Variants in VDR observed in about 807,000 individuals in gnomAD.
VDR encodes vitamin D3 receptor.
In VDR, 19 loss-of-function variants were observed where a neutral mutation model predicts 39.7. That is an observed-to-expected ratio of 0.48 (90% CI 0.33 to 0.70). The LOEUF (loss-of-function observed/expected upper bound fraction) is 0.70, where lower values mean the gene tolerates loss of function less well. Ranked by LOEUF, VDR falls within the 30% of genes least tolerant of loss-of-function variation. The pLI, the probability that VDR is intolerant of heterozygous loss-of-function variation, is 0.02. For missense variants in VDR, 442 were observed against 570.5 expected (o/e 0.77, Z 2.29); for synonymous variants, 242 against 215.8 (o/e 1.12, Z -1.07).
At chr12:47,859,959 C>T (rs1945592302) in intron 4 of VDR, among the ~76,000 whole-genome samples, 1 of 139,322 alleles carries the variant, frequency 7.2e-6, no homozygotes, top group South Asian at 2.3e-4. Context: ...TTCTTTCTTT[C>T]TTTCTTTCTT....
intron 1 of VDR, chr12:47,904,503 A>T (rs1173787436): frequency 1.3e-5 from 15 of 1,192,380 alleles, no homozygotes; most frequent in Non-Finnish European, 1.6e-5. Flanking sequence ...TAAAAGACCC[A>T]ACTCCACCAT....
Position 47,844,618 on chromosome 12 carries a change from G to T in VDR, c.*128C>A. Reference sequence around the variant, plus strand: ...AGAGAGAATGGGCTGGGTGGATAGGGGAGGTGGCAGAGGAGGGGCTGAACC... The same window carrying T: ...AGAGAGAATGGGCTGGGTGGATAGGTGAGGTGGCAGAGGAGGGGCTGAACC... On this transcript the variant is annotated 3_prime_UTR_variant, in exon 10 of 10. Transcript: ENST00000549336. 7.8e-7 allele frequency: 1 copy of T among 1,288,496 alleles called. No homozygotes were observed. The highest frequency in any genetic ancestry group is 1.9e-5 in the Admixed American group (1 of 53,012). 79.8% of individuals were successfully genotyped at this position (1,288,496 alleles called of 1,614,324 possible).
intron 3 of VDR, chr12:47,878,679 T>G: frequency 2.0e-6 from 1 of 497,260 alleles, no homozygotes; most frequent in Non-Finnish European, 3.9e-6. Flanking sequence ...GATGGACACG[T>G]GGGTTGGTGT....
At chr12:47,853,446 T>TAAA (rs60854792) in intron 7 of VDR, among the ~76,000 whole-genome samples, 5 of 112,680 alleles carry the variant, frequency 4.4e-5, no homozygotes, top group East Asian at 2.7e-4. Flanking sequence ...CTGCCTCAAT[T>TAAA]AAAAAAAAAA....
At chr12:47,863,126 G>GC (rs1945658636) in intron 4 of VDR, among the ~76,000 whole-genome samples, 1 of 152,172 alleles carries the variant, frequency 6.6e-6, no homozygotes. Context: ...CCTGGGCAGG[G>GC]CCCCCTGATT....
At chr12:47,903,068 G>C (rs1946597654) in intron 1 of VDR, among the ~76,000 whole-genome samples, 1 of 152,200 alleles carries the variant, frequency 6.6e-6, no homozygotes, top group South Asian at 2.1e-4. Flanking sequence ...CTTCCATAAT[G>C]TTTATACAAA....
chr12:47,879,663 T>C (rs1215139852), intron 2 of VDR, among the ~76,000 whole-genome samples: 1 of 152,142 alleles, frequency 6.6e-6, no homozygotes, highest in Non-Finnish European at 1.5e-5. Context: ...GGTGCCCTGG[T>C]CATTCCAGCC....
rs776871829 is a variant in VDR at position 47,846,460 on chromosome 12, G to A, written c.908-9C>T. The A allele has an allele frequency of 1.9e-6, 3 of 1,562,584 alleles. No homozygotes were observed. Among genetic ancestry groups the A allele is most frequent in the Non-Finnish European group, 1.7e-6 (2 of 1,153,460 alleles). ...CTCCAGGCTGTGTCCGGCTGTGAGA[G>A]ACAATGGCCAGGTACTGCGGGCAGA... On this transcript the variant is annotated splice_polypyrimidine_tract_variant and intron_variant, in intron 8 of 9. Transcript: ENST00000549336.
Position 47,844,342 on chromosome 12 carries a change from G to C in VDR, c.*404C>G, listed in dbSNP as rs547101168. Reference sequence around the variant, plus strand: ...AGACCCCACTAGGCGCTGGACAAGCGGGGCCTGCAGTGGGGGGAGGTGCAG... The same window carrying C: ...AGACCCCACTAGGCGCTGGACAAGCCGGGCCTGCAGTGGGGGGAGGTGCAG... On this transcript the variant is annotated 3_prime_UTR_variant, in exon 10 of 10. Transcript: ENST00000549336. The C allele has an allele frequency of 9.0e-6, 3 of 334,190 alleles. No homozygotes were observed. Among genetic ancestry groups the C allele is most frequent in the Admixed American group, 8.9e-5 (2 of 22,430 alleles). 20.7% of individuals were successfully genotyped at this position (334,190 alleles called of 1,614,324 possible).
At chr12:47,865,026 G>T (rs372484733) in intron 4 of VDR, 21 bp downstream of exon 4, 25 of 1,612,314 alleles carry the variant, frequency 1.6e-5, no homozygotes, top group Non-Finnish European at 2.0e-5. Context: ...CCCAAACCCT[G>T]CCCAGCCCCT....
Position 47,902,806 on chromosome 12 carries a change from G to A in VDR, c.-84+2149C>T, listed in dbSNP as rs11574020. ...AATGAAACAATGGGAACTCCCTTTC[G>A]TGTCTTAGATAACCACCTGATGTAG... is the stretch of plus-strand genomic sequence containing the variant. On this transcript the variant is annotated intron_variant, in intron 1 of 9. Coordinates refer to ENST00000549336, the MANE Select transcript of VDR (RefSeq NM_000376.3). 5.1e-3 allele frequency among the ~76,000 whole-genome samples: 783 copies of A among 152,252 alleles called. 6 individuals carry two copies. Among genetic ancestry groups the A allele is most frequent in the African/African-American group, 0.018 (740 of 41,532 alleles).
chr12:47,899,413 A>G (rs1336960627), intron 1 of VDR, among the ~76,000 whole-genome samples: 6 of 152,196 alleles, frequency 3.9e-5, no homozygotes, highest in Admixed American at 3.9e-4. Context: ...ACACAGTCCT[A>G]CAAGGGAGCT....
intron 7 of VDR, among the ~76,000 whole-genome samples, chr12:47,852,055 C>CT (rs1294076453): frequency 6.6e-6 from 1 of 152,156 alleles, no homozygotes; most frequent in Non-Finnish European, 1.5e-5. Flanking sequence ...GGATAGGGGC[C>CT]TTGAGCATGG....
At chr12:47,888,225 C>A (rs1324617499) in intron 1 of VDR, among the ~76,000 whole-genome samples, 1 of 152,144 alleles carries the variant, frequency 6.6e-6, no homozygotes, top group Non-Finnish European at 1.5e-5. Context: ...GAAAAACTGG[C>A]CCCCATGATT....
At chr12:47,879,537 C>G (rs951955624) in intron 2 of VDR, among the ~76,000 whole-genome samples, 1 of 152,216 alleles carries the variant, frequency 6.6e-6, no homozygotes, top group Non-Finnish European at 1.5e-5. Flanking sequence ...GGGCTTCTAT[C>G]CTGCCCAACG....
chr12:47,884,567 A>G (rs1475287839), intron 1 of VDR, among the ~76,000 whole-genome samples: 1 of 152,158 alleles, frequency 6.6e-6, no homozygotes. Context: ...CTTCACTCTC[A>G]TAAGAGCCTC....
At chr12:47,862,004 T>C (rs1372514495) in intron 4 of VDR, among the ~76,000 whole-genome samples, 2 of 152,204 alleles carry the variant, frequency 1.3e-5, no homozygotes, top group Non-Finnish European at 2.9e-5. Flanking sequence ...GAAAGAAGCA[T>C]AATGAGGAGC....
At chr12:47,899,972 C>T (rs1440777609) in intron 1 of VDR, 1 of 985,310 alleles carries the variant, frequency 1.0e-6, no homozygotes, top group East Asian at 1.1e-4. Flanking sequence ...AAGGGATAGC[C>T]AGGAGAGGGA....
At chr12:47,896,959 GT>G in intron 1 of VDR, 1 of 152,388 alleles carries the variant, frequency 6.6e-6, no homozygotes, top group Non-Finnish European at 1.5e-5. Context: ...CACCTGCTGC[GT>G]TTTTTCCAGC....
Sources: gnomAD v4.1 joint callset for allele counts (sites outside exome capture counted in the v4.1 genomes callset) on GRCh38, gnomAD v4.1.1 for gene constraint, MANE v1.5 for transcripts, NCBI Gene and HGNC (gene_info 2026-07-23, HGNC 2026-07-21) for gene names.